NUP155: variants seen among roughly 807,000 people sequenced by gnomAD.
NUP155 encodes nucleoporin 155.
Under a neutral mutation model 180.4 loss-of-function variants are expected in NUP155, and 71 were observed. The observed-to-expected ratio is 0.39, with a 90% CI of 0.33 to 0.48. NUP155 has a LOEUF of 0.48. NUP155 is among the 20% of genes least tolerant of loss of function. The pLI, the probability that NUP155 is intolerant of heterozygous loss-of-function variation, is 0.91. For missense variants in NUP155, 1,553 were observed against 1,648.9 expected (o/e 0.94, Z 1.01); for synonymous variants, 582 against 559.5 (o/e 1.04, Z -0.57).
Position 37,323,967 on chromosome 5 carries a change from A to C in NUP155, c.2207+25T>G, listed in dbSNP as rs1255314986. 4 of 1,430,926 alleles carry C rather than the reference A, an allele frequency of 2.8e-6. No individual in the cohort carries two copies. The Middle Eastern group carries it at 7.0e-4, about 251-fold the overall frequency. The allele number at this position is 1,430,926 out of a possible 1,614,324, so 88.6% of individuals were successfully genotyped here. On this transcript the variant is annotated intron_variant, in intron 20 of 34. Transcript: ENST00000231498. The stretch of plus-strand genomic sequence containing the variant: ...AAATACAACGAAAAGAAAAAGATGA[A>C]TTAATAAACCCTATTTATTCTTACT...
intron 9 of NUP155, among the ~76,000 whole-genome samples, chr5:37,345,908 CA>C (rs35161106): frequency 0.15 from 10,076 of 67,376 alleles, 816 homozygotes; most frequent in African/African-American, 0.37. Context: ...GATTCCATCT[CA>C]AAAAAAAAAA....
intron 3 of NUP155, among the ~76,000 whole-genome samples, chr5:37,360,143 C>CA (rs897014242): frequency 2.3e-4 from 34 of 147,670 alleles, no homozygotes; most frequent in East Asian, 4.0e-4. Context: ...ATAAAACAGA[C>CA]AAAAAAAAAT....
chr5:37,296,041 C>A (rs1398598502), intron 32 of NUP155, among the ~76,000 whole-genome samples: 1 of 144,612 alleles, frequency 6.9e-6, no homozygotes, highest in African/African-American at 2.6e-5. Context: ...CCGCCCTGTC[C>A]GGGAGGGAGG....
intron 17 of NUP155, 134 bp downstream of exon 17, chr5:37,328,224 G>T: frequency 1.4e-6 from 1 of 736,472 alleles, no homozygotes; most frequent in Non-Finnish European, 2.3e-6. Context: ...AAACTTGCTT[G>T]GACAGCGCTT....
At chr5:37,321,961 T>C (rs960169029) in intron 20 of NUP155, among the ~76,000 whole-genome samples, 7 of 152,134 alleles carry the variant, frequency 4.6e-5, no homozygotes, top group Non-Finnish European at 8.8e-5. Context: ...GTTTAAGTGA[T>C]TCGCCTGCCT....
chr5:37,350,775 C>G (rs1399435136), intron 6 of NUP155, among the ~76,000 whole-genome samples: 2 of 148,290 alleles, frequency 1.3e-5, no homozygotes. Context: ...TGCATTCCAG[C>G]CTGGGTGATA....
chr5:37,294,268 A>AT, intron 33 of NUP155, 61 bp downstream of exon 33: 1 of 1,185,908 alleles, frequency 8.4e-7, no homozygotes, highest in Non-Finnish European at 1.2e-6. Flanking sequence ...ACCCCACTCT[A>AT]TATCTACAAA....
chr5:37,363,142 C>T (rs924094990), intron 3 of NUP155, among the ~76,000 whole-genome samples: 5 of 152,182 alleles, frequency 3.3e-5, no homozygotes, highest in African/African-American at 4.8e-5. Flanking sequence ...GGACTCCTGA[C>T]CTCAGGTGAT....
At chr5:37,296,851 C>T (rs1025578926) in intron 32 of NUP155, among the ~76,000 whole-genome samples, 49 of 152,226 alleles carry the variant, frequency 3.2e-4, no homozygotes, top group Non-Finnish European at 5.6e-4. Context: ...TTACTTTTAA[C>T]TGCCTATCTT....
intron 17 of NUP155, 60 bp downstream of exon 17, chr5:37,328,298 G>GT: frequency 8.4e-7 from 1 of 1,190,810 alleles, no homozygotes; most frequent in Admixed American, 1.7e-5. Context: ...AAGCATTAAG[G>GT]TTAACTCATA....
chr5:37,331,051 A>T (rs529547450), intron 14 of NUP155, among the ~76,000 whole-genome samples: 2 of 152,030 alleles, frequency 1.3e-5, no homozygotes, highest in South Asian at 4.2e-4. Flanking sequence ...TGGGAGGCTG[A>T]GGCAGGAGAA....
chr5:37,336,629 C>T (rs1745344910), intron 12 of NUP155, among the ~76,000 whole-genome samples: 1 of 152,070 alleles, frequency 6.6e-6, no homozygotes, highest in Non-Finnish European at 1.5e-5. Context: ...CACAGCATCC[C>T]AACCAGGACA....
intron 13 of NUP155, among the ~76,000 whole-genome samples, chr5:37,332,482 C>T (rs934081530): frequency 4.0e-5 from 6 of 151,790 alleles, no homozygotes; most frequent in Non-Finnish European, 7.4e-5. Flanking sequence ...CCACCATGCC[C>T]GGCTAAATTT....
At chr5:37,306,188 A>C (rs1413019644) in intron 25 of NUP155, among the ~76,000 whole-genome samples, 1 of 151,868 alleles carries the variant, frequency 6.6e-6, no homozygotes, top group African/African-American at 2.4e-5. Context: ...CCCAGGAGTT[A>C]AAGACCAGCC....
chr5:37,365,711 G>A (rs1491002734), intron 1 of NUP155, among the ~76,000 whole-genome samples: 7 of 34,018 alleles, frequency 2.1e-4, no homozygotes, highest in African/African-American at 9.5e-4. Flanking sequence ...CTGTCTCGGG[G>A]AGAAAAAAAA....
chr5:37,331,613 A>G lies in NUP155; in HGVS notation c.1629+72T>C, dbSNP rs954636490. Reference sequence around the variant, plus strand: ...ATATTTATTACAGTATTCCAGTCCCAATTTACATAAACTATGACTCCCACT... The same window carrying G: ...ATATTTATTACAGTATTCCAGTCCCGATTTACATAAACTATGACTCCCACT... On this transcript the variant is annotated intron_variant, in intron 14 of 34. Coordinates refer to ENST00000231498, the MANE Select transcript of NUP155 (RefSeq NM_153485.3). The G allele has an allele frequency of 6.3e-6, 5 of 796,110 alleles. No individual in the cohort carries two copies. In the African/African-American group the frequency reaches 7.0e-5, roughly 11 times the overall value. The allele number at this position is 796,110 out of a possible 1,614,324, so 49.3% of individuals were successfully genotyped here.
At chr5:37,336,338 G>A (rs925353097) in intron 12 of NUP155, among the ~76,000 whole-genome samples, 2 of 151,936 alleles carry the variant, frequency 1.3e-5, no homozygotes, top group African/African-American at 4.8e-5. Context: ...AAAATCGGCT[G>A]TACGTGGTAA....
chr5:37,298,275 T>C (rs930844637), intron 32 of NUP155, among the ~76,000 whole-genome samples: 1 of 151,896 alleles, frequency 6.6e-6, no homozygotes. Context: ...AGGATTTTCA[T>C]GTCTCTCAAT....
chr5:37,348,675 C>T lies in NUP155; in HGVS notation c.904-79G>A. The T allele has an allele frequency of 3.6e-6, 3 of 836,912 alleles. No individual in the cohort carries two copies. In the South Asian group the frequency reaches 4.2e-5, roughly 12 times the overall value. The allele number at this position is 836,912 out of a possible 1,614,324, so 51.8% of individuals were successfully genotyped here. A position where few individuals can be genotyped will look rare whatever the true frequency, so the allele number is the denominator to read the frequency against. On this transcript the variant is annotated intron_variant, in intron 8 of 34. Coordinates refer to ENST00000231498, the MANE Select transcript of NUP155 (RefSeq NM_153485.3). ...TATTAAACTCTTTCTTTTAAGGGAT[C>T]CTTTAATATTGGTATTTAATACAAA...
Sources: allele counts gnomAD v4.1 joint callset (sites outside exome capture counted in the v4.1 genomes callset), GRCh38; gene constraint gnomAD v4.1.1; transcripts MANE v1.5; gene names NCBI Gene and HGNC (gene_info 2026-07-23, HGNC 2026-07-21).